DARS1: variants seen among roughly 807,000 people sequenced by gnomAD.
DARS1 encodes aspartate--tRNA ligase, cytoplasmic.
Under a neutral mutation model 68.8 loss-of-function variants are expected in DARS1, and 51 were observed. That is an observed-to-expected ratio of 0.74 (90% CI 0.59 to 0.94). DARS1 has a LOEUF of 0.94. Among genes scored for constraint, DARS1 ranks in the 40% least tolerant of loss-of-function variants. The probability of loss-of-function intolerance (pLI) is 0.00; values close to 1 mark genes in which losing one functional copy is unlikely to be tolerated. For synonymous variants in DARS1, 203 were observed against 190.4 expected (o/e 1.07, Z -0.55); for missense variants, 607 against 597.3 (o/e 1.02, Z -0.17).
At chr2:135,975,973 C>A (rs1682489213) in intron 3 of DARS1, among the ~76,000 whole-genome samples, 1 of 152,032 alleles carries the variant, frequency 6.6e-6, no homozygotes, top group Admixed American at 6.6e-5. Context: ...AAAAAACCCA[C>A]AAATCTGTAA....
In DARS1 at chr2:135,907,242, C is replaced by CTTTTTTTTTTTTTTTTTTTTTT. The variant is rs992435404; in HGVS notation, c.*73_*74insAAAAAAAAAAAAAAAAAAAAAA. ...TACTGAAAAGAATAAGTGTGGCTTT[C>CTTTTTTTTTTTTTTTTTTTTTT]TTTTTTTTTTTTTTTTTTTGAGGCA... On this transcript the variant is annotated 3_prime_UTR_variant, in exon 16 of 16. Transcript: ENST00000264161. 34 of 453,716 alleles carry CTTTTTTTTTTTTTTTTTTTTTT rather than the reference C, an allele frequency of 7.5e-5. 4 individuals are homozygous for CTTTTTTTTTTTTTTTTTTTTTT. Among genetic ancestry groups the CTTTTTTTTTTTTTTTTTTTTTT allele is most frequent in the African/African-American group, 7.1e-4 (25 of 35,352 alleles). 28.1% of individuals were successfully genotyped at this position (453,716 alleles called of 1,614,324 possible).
intron 7 of DARS1, among the ~76,000 whole-genome samples, chr2:135,927,633 T>C (rs1440221352): frequency 1.3e-5 from 2 of 152,110 alleles, no homozygotes; most frequent in Admixed American, 6.6e-5. Context: ...CTCCTAGTAC[T>C]GGGCTAGGTG....
At chr2:135,932,141 G>A (rs1231412720) in intron 7 of DARS1, among the ~76,000 whole-genome samples, 1 of 152,192 alleles carries the variant, frequency 6.6e-6, no homozygotes, top group Non-Finnish European at 1.5e-5. Context: ...GAATAGCCAA[G>A]AAGAACTCTT....
chr2:135,965,985 C>T (rs903529688), intron 3 of DARS1, among the ~76,000 whole-genome samples: 14 of 152,168 alleles, frequency 9.2e-5, no homozygotes, highest in Non-Finnish European at 1.9e-4. Flanking sequence ...ATTGTTCTTT[C>T]TTTGGCTCTG....
At chr2:135,952,348 T>A (rs1681857081) in intron 4 of DARS1, among the ~76,000 whole-genome samples, 1 of 152,158 alleles carries the variant, frequency 6.6e-6, no homozygotes, top group South Asian at 2.1e-4. Flanking sequence ...TATGTACACA[T>A]CGTGTAAAAA....
Position 135,906,810 on chromosome 2 carries a change from T to C in DARS1, c.*506A>G, listed in dbSNP as rs1680790199. 1 of 152,412 alleles carries C rather than the reference T, an allele frequency of 6.6e-6. No homozygotes were observed. Among genetic ancestry groups the C allele is most frequent in the Non-Finnish European group, 1.5e-5 (1 of 68,120 alleles). The allele number at this position is 152,412 out of a possible 1,614,324, so 9.4% of individuals were successfully genotyped here. On this transcript the variant is annotated 3_prime_UTR_variant, in exon 16 of 16. Transcript: ENST00000264161. Reference sequence around the variant, plus strand: ...AGGCATAACTTTTAAGAACTGATACTTTCTGGTTAATTTTCCATGATATGC... The same window carrying C: ...AGGCATAACTTTTAAGAACTGATACCTTCTGGTTAATTTTCCATGATATGC...
chr2:135,945,673 A>G (rs1325221610), intron 4 of DARS1, among the ~76,000 whole-genome samples: 2 of 152,222 alleles, frequency 1.3e-5, no homozygotes, highest in African/African-American at 2.4e-5. Context: ...TAGATCAGCT[A>G]GTCTAGAAAA....
At position 135,914,515 on chromosome 2, in the gene DARS1, A is replaced by G. The variant is rs766773042; in HGVS notation, c.1107-4T>C. 1 of 1,417,714 alleles carries G rather than the reference A, an allele frequency of 7.1e-7. No individual in the cohort carries two copies. The highest frequency in any genetic ancestry group is 1.0e-6 in the Non-Finnish European group (1 of 1,000,788). 87.8% of individuals were successfully genotyped at this position (1,417,714 alleles called of 1,614,324 possible). ...CAACAGCTTTTCATTTGGTGTGCTG[A>G]AAAAGAAACGTGAAATCAGTGTTTG... On this transcript the variant is annotated splice_polypyrimidine_tract_variant and splice_region_variant and intron_variant, in intron 11 of 15. Transcript: ENST00000264161.
In DARS1 at chr2:135,929,795, T is replaced by A. The variant is rs187457958; in HGVS notation, c.564+2988A>T. ...GCTATTGATATTATCTAATTTTTCT[T>A]TGTTTAAGCGTTTTGTGGCTTTGTT... On this transcript the variant is annotated intron_variant, in intron 7 of 15. Coordinates refer to ENST00000264161, the MANE Select transcript of DARS1 (RefSeq NM_001349.4). 3.7e-4 allele frequency among the ~76,000 whole-genome samples: 56 copies of A among 152,356 alleles called. 1 individual carries two copies. In the East Asian group the frequency reaches 6.5e-3, roughly 18 times the overall value.
chr2:135,940,542 C>A lies in DARS1; in HGVS notation c.423+2836G>T, dbSNP rs532427396. On this transcript the variant is annotated intron_variant, in intron 5 of 15. Coordinates refer to ENST00000264161, the MANE Select transcript of DARS1 (RefSeq NM_001349.4). The stretch of plus-strand genomic sequence containing the variant: ...ATAAGAGCTATCTATGACAAACCCA[C>A]AGCCAATATCATACTGAATGGTCAA... 7.9e-5 allele frequency among the ~76,000 whole-genome samples: 12 copies of A among 152,306 alleles called. No individual in the cohort carries two copies. The East Asian group carries it at 2.3e-3, about 29-fold the overall frequency.
intron 11 of DARS1, among the ~76,000 whole-genome samples, chr2:135,915,270 ATTACCT>A (rs1454402998): frequency 6.6e-6 from 1 of 152,080 alleles, no homozygotes; most frequent in East Asian, 1.9e-4. Context: ...GTAGATAGAA[ATTACCT>A]TTACATGTTT....
chr2:135,980,515 AAC>A (rs750753811), intron 2 of DARS1: 1 of 152,238 alleles, frequency 6.6e-6, no homozygotes, highest in Non-Finnish European at 1.5e-5. Flanking sequence ...GAGAATAAAT[AAC>A]ACGGTTCTCA....
intron 12 of DARS1, among the ~76,000 whole-genome samples, chr2:135,913,769 AAAAT>A (rs1680945514): frequency 6.6e-6 from 1 of 152,196 alleles, no homozygotes; most frequent in Non-Finnish European, 1.5e-5. Context: ...AAAAAAAAAA[AAAAT>A]TACATTCCAA....
At position 135,906,331 on chromosome 2, in the gene DARS1, GAA is replaced by G. The variant is rs1558773254; in HGVS notation, c.*983_*984del. 3.3e-5 allele frequency among the ~76,000 whole-genome samples: 5 copies of G among 152,060 alleles called. No homozygotes were observed. Among genetic ancestry groups the G allele is most frequent in the Admixed American group, 6.6e-5 (1 of 15,262 alleles). On this transcript the variant is annotated 3_prime_UTR_variant, in exon 16 of 16. Coordinates refer to ENST00000264161, the MANE Select transcript of DARS1 (RefSeq NM_001349.4). ...ATCAACATTTGTAATAATCTAGAGG[GAA>G]AGTGTTTCTAACTAATTCTTACACA...
rs542355591 is a variant in DARS1 at position 135,981,061 on chromosome 2, A to G, written c.125-1695T>C. On this transcript the variant is annotated intron_variant, in intron 2 of 15. Coordinates refer to ENST00000264161, the MANE Select transcript of DARS1 (RefSeq NM_001349.4). ...GATTAATGCAGAGAAATGGAAGCAGATGAGAAAGGAAACCACCTTGAGCAA... is the reference window on the plus strand; with the variant it reads ...GATTAATGCAGAGAAATGGAAGCAGGTGAGAAAGGAAACCACCTTGAGCAA... 2.3e-4 allele frequency among the ~76,000 whole-genome samples: 35 copies of G among 152,354 alleles called. No individual in the cohort carries two copies. In the South Asian group the frequency reaches 5.0e-3, roughly 22 times the overall value.
intron 3 of DARS1, among the ~76,000 whole-genome samples, chr2:135,968,863 T>C (rs1488285043): frequency 6.6e-6 from 1 of 152,074 alleles, no homozygotes; most frequent in Non-Finnish European, 1.5e-5. Flanking sequence ...GGTTTTACCA[T>C]GTTGGCCAGG....
intron 3 of DARS1, among the ~76,000 whole-genome samples, chr2:135,963,877 C>T (rs1395480090): frequency 6.6e-6 from 1 of 151,996 alleles, no homozygotes; most frequent in East Asian, 1.9e-4. Flanking sequence ...ACGGGGGCTT[C>T]ACCATATTGG....
At chr2:135,956,578 C>T (rs1364391360) in intron 4 of DARS1, among the ~76,000 whole-genome samples, 2 of 151,998 alleles carry the variant, frequency 1.3e-5, no homozygotes, top group African/African-American at 2.4e-5. Context: ...GTAAAAAAGT[C>T]GAGGCTTACC....
At chr2:135,971,837 C>T (rs924382246) in intron 3 of DARS1, among the ~76,000 whole-genome samples, 1 of 151,724 alleles carries the variant, frequency 6.6e-6, no homozygotes, top group African/African-American at 2.4e-5. Context: ...AAAAGTAATC[C>T]CACATACAAT....
Sources: allele counts gnomAD v4.1 joint callset (sites outside exome capture counted in the v4.1 genomes callset), GRCh38; gene constraint gnomAD v4.1.1; transcripts MANE v1.5; gene names NCBI Gene and HGNC (gene_info 2026-07-23, HGNC 2026-07-21).